MGAT4C: variants seen among roughly 807,000 people sequenced by gnomAD.
The protein encoded by MGAT4C is alpha-1,3-mannosyl-glycoprotein 4-beta-N-acetylglucosaminyltransferase C.
In MGAT4C, 19 loss-of-function variants were observed where a neutral mutation model predicts 40.1. That is an observed-to-expected ratio of 0.47 (90% CI 0.33 to 0.70). The LOEUF (loss-of-function observed/expected upper bound fraction) is 0.70. Among genes scored for constraint, MGAT4C ranks in the 30% least tolerant of loss-of-function variants. MGAT4C has a pLI of 0.02. For missense variants in MGAT4C, 491 were observed against 563.2 expected (o/e 0.87, Z 1.30); for synonymous variants, 181 against 187.1 (o/e 0.97, Z 0.27).
chr12:86,509,593 T>A (rs1009576730), intron 2 of MGAT4C, among the ~76,000 whole-genome samples: 1 of 152,162 alleles, frequency 6.6e-6, no homozygotes, highest in African/African-American at 2.4e-5. Flanking sequence ...TCCAATTCTG[T>A]GAAGAAAGTC....
chr12:86,729,653 CAAAAA>C (rs199519845), intron 1 of MGAT4C, among the ~76,000 whole-genome samples: 3 of 151,020 alleles, frequency 2.0e-5, no homozygotes, highest in African/African-American at 7.3e-5. Context: ...AATATAAAAA[CAAAAA>C]AAACTGTGGA....
At chr12:86,539,658 T>C (rs1959138331) in intron 2 of MGAT4C, among the ~76,000 whole-genome samples, 2 of 152,214 alleles carry the variant, frequency 1.3e-5, no homozygotes. Context: ...AAAGTGTTTC[T>C]ATTTCTCCAC....
At chr12:85,987,167 C>T (rs1260228845) in intron 3 of MGAT4C, among the ~76,000 whole-genome samples, 7 of 104,512 alleles carry the variant, frequency 6.7e-5, no homozygotes, top group South Asian at 3.5e-4. Flanking sequence ...GACGGAGTCT[C>T]GCTCTGTCGC....
rs1285978874 is a variant in MGAT4C, at chr12:85,977,608, T to C, written c.*1681A>G. The C allele has an allele frequency of 1.3e-5, 2 of 151,362 alleles. No individual in the cohort carries two copies. The highest frequency in any genetic ancestry group is 4.8e-5 in the African/African-American group (2 of 41,348). 9.4% of individuals were successfully genotyped at this position (151,362 alleles called of 1,614,324 possible). Reference sequence around the variant, plus strand: ...AGCTGTTTATAAATGAAATAAAAAGTTTCCATTTTTTATCTGAGTTTCTCA... The same window carrying C: ...AGCTGTTTATAAATGAAATAAAAAGCTTCCATTTTTTATCTGAGTTTCTCA... On this transcript the variant is annotated 3_prime_UTR_variant, in exon 5 of 5. Transcript: ENST00000611864.
intron 2 of MGAT4C, among the ~76,000 whole-genome samples, chr12:86,566,267 C>G (rs1054246292): frequency 1.3e-5 from 2 of 151,656 alleles, no homozygotes; most frequent in Non-Finnish European, 2.9e-5. Context: ...AAGGGAGACC[C>G]ACCCTTAACC....
intron 4 of MGAT4C, among the ~76,000 whole-genome samples, chr12:86,282,138 A>G (rs1188415014): frequency 6.6e-6 from 1 of 152,154 alleles, no homozygotes; most frequent in Non-Finnish European, 1.5e-5. Flanking sequence ...AAATTGCAAA[A>G]AGATGTTTTG....
chr12:86,347,311 A>G (rs983383744), intron 3 of MGAT4C, among the ~76,000 whole-genome samples: 3 of 152,196 alleles, frequency 2.0e-5, no homozygotes, highest in Non-Finnish European at 2.9e-5. Context: ...CACTGAATTC[A>G]TGACTTACAG....
chr12:86,201,187 A>G (rs911259200), intron 1 of MGAT4C, among the ~76,000 whole-genome samples: 4 of 152,048 alleles, frequency 2.6e-5, no homozygotes, highest in African/African-American at 9.7e-5. Flanking sequence ...TTTTTCTTCT[A>G]GAAACTATTA....
At chr12:86,278,375 C>T (rs1175991816) in intron 4 of MGAT4C, among the ~76,000 whole-genome samples, 1 of 151,974 alleles carries the variant, frequency 6.6e-6, no homozygotes, top group African/African-American at 2.4e-5. Flanking sequence ...AGTGGGATTT[C>T]ACCATGCTGG....
chr12:86,203,232 T>G (rs1950114791), intron 1 of MGAT4C, among the ~76,000 whole-genome samples: 1 of 152,160 alleles, frequency 6.6e-6, no homozygotes, highest in Non-Finnish European at 1.5e-5. Context: ...ACTTCTTAAT[T>G]CAACGGTTAT....
intron 1 of MGAT4C, among the ~76,000 whole-genome samples, chr12:86,071,411 T>C (rs1868433482): frequency 6.6e-6 from 1 of 152,100 alleles, no homozygotes; most frequent in African/African-American, 2.4e-5. Context: ...ATTTATGAAA[T>C]GTGCTTTGTA....
At chr12:86,033,662 T>C (rs1890963117) in intron 2 of MGAT4C, among the ~76,000 whole-genome samples, 1 of 149,668 alleles carries the variant, frequency 6.7e-6, no homozygotes, top group Non-Finnish European at 1.5e-5. Context: ...GAAGAGACTA[T>C]GGGGTTTTCT....
At chr12:86,096,656 A>G (rs1226300497) in intron 1 of MGAT4C, among the ~76,000 whole-genome samples, 1 of 151,232 alleles carries the variant, frequency 6.6e-6, no homozygotes, top group Non-Finnish European at 1.5e-5. Flanking sequence ...TTGTTCTTTT[A>G]TATCCTCTAT....
intron 2 of MGAT4C, among the ~76,000 whole-genome samples, chr12:86,703,466 G>C (rs1950398816): frequency 6.6e-6 from 1 of 152,070 alleles, no homozygotes; most frequent in Non-Finnish European, 1.5e-5. Flanking sequence ...CCACCACCCT[G>C]ATCAGTCAGC....
chr12:86,179,020 T>G (rs2135858697), intron 1 of MGAT4C, among the ~76,000 whole-genome samples: 1 of 152,304 alleles, frequency 6.6e-6, no homozygotes, highest in East Asian at 1.9e-4. Flanking sequence ...CTGAATATGG[T>G]TTGGCTGTGT....
At chr12:86,192,340 T>A (rs371985662) in intron 1 of MGAT4C, among the ~76,000 whole-genome samples, 40 of 152,196 alleles carry the variant, frequency 2.6e-4, no homozygotes, top group African/African-American at 9.6e-4. Context: ...GAGTGGGACA[T>A]ATTTTGATCA....
chr12:86,676,182 G>T (rs974594293), intron 2 of MGAT4C, among the ~76,000 whole-genome samples: 1 of 151,952 alleles, frequency 6.6e-6, no homozygotes, highest in Non-Finnish European at 1.5e-5. Flanking sequence ...AACTCCTCTA[G>T]GTGAAAGAGG....
At chr12:86,508,567 T>C (rs1958514013) in intron 2 of MGAT4C, among the ~76,000 whole-genome samples, 3 of 152,100 alleles carry the variant, frequency 2.0e-5, no homozygotes, top group African/African-American at 7.2e-5. Flanking sequence ...CCTTTGGGTA[T>C]ATACCCAGTA....
chr12:86,706,034 C>T (rs1950450044), intron 2 of MGAT4C, among the ~76,000 whole-genome samples: 4 of 152,094 alleles, frequency 2.6e-5, no homozygotes, highest in Admixed American at 1.3e-4. Context: ...AATGATCCTA[C>T]AACAAGGTCC....
Sources: allele counts gnomAD v4.1 joint callset (sites outside exome capture counted in the v4.1 genomes callset), GRCh38; gene constraint gnomAD v4.1.1; transcripts MANE v1.5; gene names NCBI Gene and HGNC (gene_info 2026-07-23, HGNC 2026-07-21).